PPP2R2D: variants seen among roughly 807,000 people sequenced by gnomAD.
PPP2R2D encodes the protein serine/threonine-protein phosphatase 2A 55 kDa regulatory subunit B delta isoform.
A neutral mutation model predicts 31.1 loss-of-function variants in PPP2R2D; 9 were observed. The observed-to-expected ratio is 0.29, with a 90% CI of 0.17 to 0.51. The LOEUF (loss-of-function observed/expected upper bound fraction) is 0.51, where lower values mean the gene tolerates loss of function less well. Among genes scored for constraint, PPP2R2D ranks in the 20% least tolerant of loss-of-function variants. The pLI, the probability that PPP2R2D is intolerant of heterozygous loss-of-function variation, is 0.98. For synonymous variants in PPP2R2D, 179 were observed against 172.6 expected, an observed-to-expected ratio of 1.04 and a Z score of -0.29; for missense variants, 391 against 465.6, an observed-to-expected ratio of 0.84 and a Z score of 1.48.
At position 131,945,706 on chromosome 10, in the gene PPP2R2D, C is replaced by T. The variant is rs561395797; in HGVS notation, c.820+247C>T. On this transcript the variant is annotated intron_variant, in intron 7 of 8. Coordinates refer to ENST00000455566, the MANE Select transcript of PPP2R2D (RefSeq NM_018461.5). This position sits in a 1 kb window ranked among gnomAD's most constrained non-coding sequence, Gnocchi z 4.8. ...CCTCAGGTGATCCCCCTACCTCGGC[C>T]TCCCAAAGTGCTGGGATTACAGGTG... is the stretch of plus-strand genomic sequence containing the variant. The T allele has an allele frequency of 1.8e-5, 8 of 456,776 alleles. No individual in the cohort carries two copies. Among genetic ancestry groups the T allele is most frequent in the Admixed American group, 3.9e-5 (1 of 25,750 alleles). The allele number at this position is 456,776 out of a possible 1,614,324, so 28.3% of individuals were successfully genotyped here. A position where few individuals can be genotyped will look rare whatever the true frequency, so the allele number is the denominator to read the frequency against.
chr10:131,954,807 G>A (rs2036763115), intron 8 of PPP2R2D, among the ~76,000 whole-genome samples: 1 of 152,230 alleles, frequency 6.6e-6, no homozygotes. Context: ...GACCATGGGG[G>A]CAGGACGTGA....
intron 2 of PPP2R2D, among the ~76,000 whole-genome samples, chr10:131,905,954 C>A (rs2035574944): frequency 6.6e-6 from 1 of 152,178 alleles, no homozygotes; most frequent in Non-Finnish European, 1.5e-5. Flanking sequence ...AAATGGAATG[C>A]CTTTAAAGGA....
intron 2 of PPP2R2D, among the ~76,000 whole-genome samples, chr10:131,933,775 C>A (rs1554896058): frequency 6.6e-6 from 1 of 152,070 alleles, no homozygotes; most frequent in African/African-American, 2.4e-5. Context: ...CTCAGGACAC[C>A]TGAGGACTTT....
At chr10:131,910,511 G>A (rs2035665392) in intron 2 of PPP2R2D, among the ~76,000 whole-genome samples, 2 of 152,190 alleles carry the variant, frequency 1.3e-5, no homozygotes, top group South Asian at 4.1e-4. Flanking sequence ...GAGGGACGCA[G>A]TGTGTTCATT....
In PPP2R2D at chr10:131,956,306, A is replaced by G; in HGVS notation, c.*343A>G. On this transcript the variant is annotated 3_prime_UTR_variant, in exon 9 of 9. Coordinates refer to ENST00000455566, the MANE Select transcript of PPP2R2D (RefSeq NM_018461.5). ...AACATCCAAGAGAAAAGTTATTGTC[A>G]GATACCGCTCTTTCTCCAACTTTCC... 1 of 1,011,234 alleles carries G rather than the reference A, an allele frequency of 9.9e-7. No homozygotes were observed. Among genetic ancestry groups the G allele is most frequent in the Non-Finnish European group, 1.2e-6 (1 of 847,362 alleles). The allele number at this position is 1,011,234 out of a possible 1,614,324, so 62.6% of individuals were successfully genotyped here. A position where few individuals can be genotyped will look rare whatever the true frequency, so the allele number is the denominator to read the frequency against.
intron 4 of PPP2R2D, 60 bp downstream of exon 4, chr10:131,940,256 G>A: frequency 1.7e-6 from 1 of 599,990 alleles, no homozygotes; most frequent in Non-Finnish European, 3.0e-6. Flanking sequence ...TTTTCTGTGT[G>A]TGTGTAGATT....
intron 2 of PPP2R2D, among the ~76,000 whole-genome samples, chr10:131,914,934 G>C (rs782314323): frequency 1.9e-4 from 29 of 152,106 alleles, no homozygotes; most frequent in South Asian, 6.2e-4. Context: ...GGTAAAGAGG[G>C]AGTTCTAGCA....
chr10:131,915,789 A>G (rs2035768603), intron 2 of PPP2R2D, among the ~76,000 whole-genome samples: 1 of 152,242 alleles, frequency 6.6e-6, no homozygotes, highest in African/African-American at 2.4e-5. Flanking sequence ...ATGGTAACAG[A>G]TAGATGTTGT....
chr10:131,944,211 TC>T (rs1304696724), intron 6 of PPP2R2D, 66 bp downstream of exon 6: 2 of 1,366,988 alleles, frequency 1.5e-6, no homozygotes, highest in Non-Finnish European at 2.0e-6. Flanking sequence ...ATTTCTCTCG[TC>T]CCTTTATACA....
chr10:131,923,466 TG>T (rs1256912147), intron 2 of PPP2R2D, among the ~76,000 whole-genome samples: 4 of 152,234 alleles, frequency 2.6e-5, no homozygotes, highest in Non-Finnish European at 5.9e-5. Flanking sequence ...GGTATATTCC[TG>T]GGAATGGAGC....
At chr10:131,960,400 G>A (rs74162815), downstream of PPP2R2D, among the ~76,000 whole-genome samples, 1,190 of 152,308 alleles carry the variant, frequency 7.8e-3, 13 homozygotes, top group African/African-American at 0.027. Context: ...CACTTTCTTC[G>A]TAAGTGGATT....
intron 2 of PPP2R2D, among the ~76,000 whole-genome samples, chr10:131,928,736 T>A (rs1369618620): frequency 1.3e-5 from 2 of 152,192 alleles, no homozygotes; most frequent in African/African-American, 4.8e-5. Flanking sequence ...GTCACATTTT[T>A]ATTTTGTTTT....
At position 131,956,515 on chromosome 10, in the gene PPP2R2D, A is replaced by G; in HGVS notation, c.*552A>G. ...ACCCCTTCGGGTGTGAGCGCTCAAT[A>G]AAAACAACACACTATAAAGTGTTTT... On this transcript the variant is annotated 3_prime_UTR_variant, in exon 9 of 9. Coordinates refer to ENST00000455566, the MANE Select transcript of PPP2R2D (RefSeq NM_018461.5). 2.0e-6 allele frequency: 2 copies of G among 985,420 alleles called. No homozygotes were observed. Among genetic ancestry groups the G allele is most frequent in the Non-Finnish European group, 2.4e-6 (2 of 829,906 alleles). 61.0% of individuals were successfully genotyped at this position (985,420 alleles called of 1,614,324 possible). A position where few individuals can be genotyped will look rare whatever the true frequency, so the allele number is the denominator to read the frequency against.
chr10:131,945,829 G>A lies in PPP2R2D; in HGVS notation c.820+370G>A, dbSNP rs2036529019. On this transcript the variant is annotated intron_variant, in intron 7 of 8. Transcript: ENST00000455566. The surrounding 1 kb of genome is among the most constrained non-coding windows in gnomAD (Gnocchi z 4.8). ...TCCAAAGACTTAGAGAGTTCTTCCT[G>A]TTCCCCAAGTGCCTTTGCACAACTG... 1 of 174,208 alleles carries A rather than the reference G, an allele frequency of 5.7e-6. No homozygotes were observed. Among genetic ancestry groups the A allele is most frequent in the Non-Finnish European group, 1.2e-5 (1 of 81,330 alleles). The allele number at this position is 174,208 out of a possible 1,614,324, so 10.8% of individuals were successfully genotyped here.
intron 2 of PPP2R2D, among the ~76,000 whole-genome samples, chr10:131,904,369 G>C (rs954638732): frequency 6.6e-6 from 1 of 152,074 alleles, no homozygotes; most frequent in Non-Finnish European, 1.5e-5. Context: ...AATTAGCCGG[G>C]TGTGATGGCG....
intron 8 of PPP2R2D, among the ~76,000 whole-genome samples, chr10:131,954,842 G>A (rs1298643775): frequency 6.6e-6 from 1 of 152,210 alleles, no homozygotes; most frequent in African/African-American, 2.4e-5. Context: ...GTCAAAATAG[G>A]AAGAGGAGGC....
At chr10:131,912,783 C>T (rs918532979) in intron 2 of PPP2R2D, among the ~76,000 whole-genome samples, 66 of 152,278 alleles carry the variant, frequency 4.3e-4, no homozygotes, top group Middle Eastern at 6.8e-3. Flanking sequence ...CTCATTTTAT[C>T]CTTTTTGATG....
Position 131,945,168 on chromosome 10 carries a change from CCTT to C in PPP2R2D, c.656-123_656-121del. ...TTTGGAATTCGGGATGTGTAACCAG[CCTT>C]CTTAATAGCTAATCCCTTAAACCTC... On this transcript the variant is annotated intron_variant, in intron 6 of 8. Transcript: ENST00000455566. This position sits in a 1 kb window ranked among gnomAD's most constrained non-coding sequence, Gnocchi z 4.8. 3 of 1,105,124 alleles carry C rather than the reference CCTT, an allele frequency of 2.7e-6. No homozygotes were observed. The highest frequency in any genetic ancestry group is 3.8e-6 in the Non-Finnish European group (3 of 793,524). The allele number at this position is 1,105,124 out of a possible 1,614,324, so 68.5% of individuals were successfully genotyped here. A position where few individuals can be genotyped will look rare whatever the true frequency, so the allele number is the denominator to read the frequency against.
At chr10:131,917,046 AGG>A (rs1320318225) in intron 2 of PPP2R2D, among the ~76,000 whole-genome samples, 1 of 141,248 alleles carries the variant, frequency 7.1e-6, no homozygotes, top group Non-Finnish European at 1.5e-5. Context: ...GACACAGTGT[AGG>A]GACCTCAGGC....
Sources: gnomAD v4.1 joint callset for allele counts (sites outside exome capture counted in the v4.1 genomes callset) on GRCh38, gnomAD v4.1.1 for gene constraint, Gnocchi (gnomAD v3.1) non-coding constraint, MANE v1.5 for transcripts, NCBI Gene and HGNC (gene_info 2026-07-23, HGNC 2026-07-21) for gene names.